The following TTLL1 variants were observed in gnomAD, a reference collection of about 807,000 sequenced individuals.
The protein encoded by TTLL1 is polyglutamylase complex subunit TTLL1.
A neutral mutation model predicts 47.8 loss-of-function variants in TTLL1; 33 were observed. The ratio of observed to expected loss-of-function variants is 0.69; its 90% CI spans 0.52 to 0.92. The LOEUF is 0.92. Ranked by LOEUF, TTLL1 falls within the 40% of genes least tolerant of loss-of-function variation. TTLL1 has a pLI of 0.00. For synonymous variants in TTLL1, 225 were observed against 214.1 expected (o/e 1.05, Z -0.45); for missense variants, 488 against 547.5 (o/e 0.89, Z 1.08).
intron 9 of TTLL1, 67 bp downstream of exon 9, chr22:43,051,734 G>T: frequency 1.3e-6 from 2 of 1,500,036 alleles, no homozygotes; most frequent in Admixed American, 1.7e-5. Context: ...TGCTGGGCCC[G>T]AATCGGGGCA....
chr22:43,074,680 T>C (rs1928367084), intron 3 of TTLL1, among the ~76,000 whole-genome samples: 1 of 150,578 alleles, frequency 6.6e-6, no homozygotes, highest in Non-Finnish European at 1.5e-5. Context: ...GCCTCTGAAA[T>C]AAATAAATAA....
chr22:43,057,870 C>A (rs560225346), intron 8 of TTLL1, among the ~76,000 whole-genome samples: 1 of 151,848 alleles, frequency 6.6e-6, no homozygotes, highest in African/African-American at 2.4e-5. Flanking sequence ...CCTGGGCCTC[C>A]GTTTTCCCAG....
At chr22:43,048,792 C>T (rs1382363469) in intron 9 of TTLL1, among the ~76,000 whole-genome samples, 1 of 151,848 alleles carries the variant, frequency 6.6e-6, no homozygotes, top group Non-Finnish European at 1.5e-5. Flanking sequence ...CAAAAATTAG[C>T]CAGGCGTGGT....
chr22:43,056,394 C>T (rs1927008597), intron 8 of TTLL1, among the ~76,000 whole-genome samples: 2 of 147,040 alleles, frequency 1.4e-5, no homozygotes, highest in Non-Finnish European at 3.0e-5. Context: ...AATGTTCACA[C>T]ATCAACCTTG....
In TTLL1 at chr22:43,081,460, G is replaced by A. The variant is rs959775305; in HGVS notation, c.-89-1474C>T. ...TGTGTCCCCACAAACTTATGGGGAA[G>A]TCCTAACTTGTCTGAAACAAGTACA... On this transcript the variant is annotated intron_variant, in intron 1 of 10. Coordinates refer to ENST00000266254, the MANE Select transcript of TTLL1 (RefSeq NM_012263.5). Among the ~76,000 whole-genome samples the A allele has an allele frequency of 2.8e-4, 43 of 152,148 alleles. 1 individual carries two copies. The highest frequency in any genetic ancestry group is 2.8e-3 in the Admixed American group (42 of 15,248).
chr22:43,048,414 C>T (rs1478139755), intron 9 of TTLL1, among the ~76,000 whole-genome samples: 1 of 150,758 alleles, frequency 6.6e-6, no homozygotes, highest in African/African-American at 2.4e-5. Flanking sequence ...GTGGAGGGAT[C>T]GCTTGAAGCT....
At chr22:43,078,409 T>C (rs933123069) in intron 2 of TTLL1, among the ~76,000 whole-genome samples, 2 of 152,004 alleles carry the variant, frequency 1.3e-5, no homozygotes, top group Non-Finnish European at 1.5e-5. Flanking sequence ...GGCAGGAGAA[T>C]TGCTTGAACC....
rs1929464183 is a variant in TTLL1, at chr22:43,089,334, C to T, written c.-147G>A. ...AGCGCCCTGCAGGGATGCCTCGAGC[C>T]GCGCCCTCGCCCCGCCTCCAGCCCC... On this transcript the variant is annotated 5_prime_UTR_variant, in exon 1 of 11. Coordinates refer to ENST00000266254, the MANE Select transcript of TTLL1 (RefSeq NM_012263.5). The T allele has an allele frequency of 6.6e-6, 1 of 152,484 alleles. No homozygotes were observed. Among genetic ancestry groups the T allele is most frequent in the Non-Finnish European group, 1.5e-5 (1 of 68,218 alleles). The allele number at this position is 152,484 out of a possible 1,614,324, so 9.4% of individuals were successfully genotyped here.
intron 7 of TTLL1, among the ~76,000 whole-genome samples, chr22:43,063,164 C>T (rs1927495716): frequency 6.6e-6 from 1 of 152,142 alleles, no homozygotes; most frequent in South Asian, 2.1e-4. Flanking sequence ...CCCACAGTCC[C>T]GCCAGGTAAT....
chr22:43,063,307 G>A (rs1157139046), intron 7 of TTLL1, among the ~76,000 whole-genome samples: 3 of 152,142 alleles, frequency 2.0e-5, no homozygotes, highest in Non-Finnish European at 4.4e-5. Context: ...CCCAGCCACG[G>A]CATTCAGCTG....
At chr22:43,064,397 T>C in intron 5 of TTLL1, 73 bp from the exon 6 acceptor site, 1 of 1,517,080 alleles carries the variant, frequency 6.6e-7, no homozygotes, top group African/African-American at 1.4e-5. Flanking sequence ...AAGAAAGGAA[T>C]AACTGATAAG....
intron 9 of TTLL1, among the ~76,000 whole-genome samples, chr22:43,048,586 C>T (rs1384260517): frequency 6.6e-6 from 1 of 150,914 alleles, no homozygotes; most frequent in Non-Finnish European, 1.5e-5. Context: ...TTGCGGCGAG[C>T]AATGATGGTG....
intron 5 of TTLL1, among the ~76,000 whole-genome samples, chr22:43,065,943 G>A (rs1476260553): frequency 1.3e-5 from 2 of 151,716 alleles, no homozygotes; most frequent in African/African-American, 2.4e-5. Context: ...GGAGGATCAC[G>A]AGGTCAGGAG....
rs1401136856 is a variant in TTLL1 at position 43,069,783 on chromosome 22, C to G, written c.175G>C (p.Asp59His). ...SVEAGYRLSD[D>H]QIVNHFPNHY... ...TTTGGAAAATGGTTGACTATTTGGT[C>G]ATCTGAGAGCCGATATCCAGCTTCA... Residue 59 changes from aspartate to histidine, a missense_variant, in exon 4 of 11, where the codon GAC (aspartate) becomes CAC (histidine). Transcript: ENST00000266254. 6.2e-7 allele frequency: 1 copy of G among 1,614,078 alleles called. No individual in the cohort carries two copies. The highest frequency in any genetic ancestry group is 2.2e-5 in the East Asian group (1 of 44,900).
intron 8 of TTLL1, among the ~76,000 whole-genome samples, chr22:43,053,474 A>C (rs754044667): frequency 6.6e-6 from 1 of 152,220 alleles, no homozygotes; most frequent in Non-Finnish European, 1.5e-5. Context: ...ACAGGAAGTC[A>C]TTAGCCTGAC....
At chr22:43,043,614 G>A (rs1384089870) in intron 10 of TTLL1, among the ~76,000 whole-genome samples, 3 of 151,846 alleles carry the variant, frequency 2.0e-5, no homozygotes, top group Admixed American at 6.6e-5. Context: ...GCCCATCATC[G>A]CACCCACCAT....
At position 43,039,746 on chromosome 22, in the gene TTLL1, T is replaced by G; in HGVS notation, c.*30A>C. 6.5e-7 allele frequency: 1 copy of G among 1,548,812 alleles called. No individual in the cohort carries two copies. The highest frequency in any genetic ancestry group is 8.7e-7 in the Non-Finnish European group (1 of 1,142,894). On this transcript the variant is annotated 3_prime_UTR_variant, in exon 11 of 11. Coordinates refer to ENST00000266254, the MANE Select transcript of TTLL1 (RefSeq NM_012263.5). ...GGCTTCAGCAGGGGCCCAGGTGGAGTGAGTAGTTTTGATAAGGTCCAGGTG... is the reference window on the plus strand; with the variant it reads ...GGCTTCAGCAGGGGCCCAGGTGGAGGGAGTAGTTTTGATAAGGTCCAGGTG...
At chr22:43,040,306 A>G in intron 10 of TTLL1, 1 of 178,594 alleles carries the variant, frequency 5.6e-6, no homozygotes, top group Non-Finnish European at 1.2e-5. Flanking sequence ...GCTTCACACA[A>G]GGCACCTGCA....
At chr22:43,087,945 C>T (rs189949193) in intron 1 of TTLL1, among the ~76,000 whole-genome samples, 1 of 151,662 alleles carries the variant, frequency 6.6e-6, no homozygotes, top group Non-Finnish European at 1.5e-5. Flanking sequence ...GTCAGGAGCT[C>T]GAGACCAGCC....
Sources: allele counts gnomAD v4.1 joint callset (sites outside exome capture counted in the v4.1 genomes callset), GRCh38; gene constraint gnomAD v4.1.1; transcripts MANE v1.5; gene names NCBI Gene and HGNC (gene_info 2026-07-23, HGNC 2026-07-21).